The following TASOR variants were observed in gnomAD, a reference collection of about 807,000 sequenced individuals.
TASOR encodes transcription activation suppressor, also known as protein TASOR.
A neutral mutation model predicts 178.6 loss-of-function variants in TASOR; 53 were observed. The ratio of observed to expected loss-of-function variants is 0.30; its 90% CI spans 0.24 to 0.37. TASOR has a LOEUF of 0.37. Ranked by LOEUF, TASOR falls within the 10% of genes least tolerant of loss-of-function variation. The pLI is 1.00. For synonymous variants in TASOR, 713 were observed against 696.2 expected (o/e 1.02, Z -0.38); for missense variants, 1,815 against 1,971.4 (o/e 0.92, Z 1.50).
In TASOR at chr3:56,621,688, C is replaced by A; in HGVS notation, c.*1349G>T. ...TTATAAAATGTGCTCACTGGCTCAA[C>A]TGTATTTTTCAAATAGCCTAGATTT... On this transcript the variant is annotated 3_prime_UTR_variant, in exon 24 of 24. Transcript: ENST00000683822. 9.4e-7 allele frequency: 1 copy of A among 1,065,640 alleles called. No individual in the cohort carries two copies. The allele number at this position is 1,065,640 out of a possible 1,614,324, so 66.0% of individuals were successfully genotyped here. A position where few individuals can be genotyped will look rare whatever the true frequency, so the allele number is the denominator to read the frequency against.
At chr3:56,669,084 CAAGTA>C (rs1471256197) in intron 5 of TASOR, among the ~76,000 whole-genome samples, 1 of 151,746 alleles carries the variant, frequency 6.6e-6, no homozygotes, top group Non-Finnish European at 1.5e-5. Context: ...TGTTTAATAA[CAAGTA>C]AATAGAAACT....
intron 6 of TASOR, among the ~76,000 whole-genome samples, 160 bp downstream of exon 6, chr3:56,668,237 G>A (rs2030272484): frequency 6.6e-6 from 1 of 152,164 alleles, no homozygotes; most frequent in Non-Finnish European, 1.5e-5. Context: ...AGAAAACACT[G>A]AACAAACAGC....
rs866424609 is a variant in TASOR at position 56,641,510 on chromosome 3, G to T, written c.2458C>A (p.Pro820Thr). 1.2e-6 allele frequency: 2 copies of T among 1,613,928 alleles called. No individual in the cohort carries two copies. The highest frequency in any genetic ancestry group is 1.7e-4 in the Middle Eastern group (1 of 6,058). ...QKHEYELNST[P>T]DKKDYEQPTC... ...GGCTGCTCATAGTCTTTCTTATCTGGGGTAGAGTTCAACTCATACTCATGT... is the reference window on the plus strand; with the variant it reads ...GGCTGCTCATAGTCTTTCTTATCTGTGGTAGAGTTCAACTCATACTCATGT... The change falls in exon 15 of 24, where the codon CCA (proline) becomes ACA (threonine). Residue 820 changes from proline (P) to threonine (T), a missense_variant. Physicochemically the swap from Pro to Thr is conservative, Grantham distance 38 (BLOSUM62 -1). Transcript: ENST00000683822.
rs544417388 is a variant in TASOR, at chr3:56,669,285, C to T, written c.735+415G>A. The stretch of plus-strand genomic sequence containing the variant: ...TTGGGAGGCTGACGCGGGTGGATCA[C>T]GAAGTCAGGAGATCGAGACCATCCT... On this transcript the variant is annotated intron_variant, in intron 5 of 23. Transcript: ENST00000683822. 2.1e-3 allele frequency among the ~76,000 whole-genome samples: 313 copies of T among 152,162 alleles called. 12 individuals are homozygous for T. The South Asian group carries it at 0.059, about 29-fold the overall frequency.
At chr3:56,627,414 A>G (rs1158117839) in intron 20 of TASOR, among the ~76,000 whole-genome samples, 168 bp downstream of exon 20, 1 of 152,228 alleles carries the variant, frequency 6.6e-6, no homozygotes, top group Admixed American at 6.5e-5. Flanking sequence ...CACCACATTT[A>G]GAGGATATTA....
At chr3:56,657,394 C>T (rs1271595964) in intron 11 of TASOR, among the ~76,000 whole-genome samples, 3 of 149,446 alleles carry the variant, frequency 2.0e-5, no homozygotes, top group Admixed American at 1.3e-4. Flanking sequence ...GAAAAGAAAA[C>T]TTCCCTGGAT....
chr3:56,639,352 A>G (rs1187495437), intron 16 of TASOR, among the ~76,000 whole-genome samples: 1 of 152,174 alleles, frequency 6.6e-6, no homozygotes, highest in Non-Finnish European at 1.5e-5. Context: ...TGGAATATTA[A>G]GAGTATGTAT....
intron 11 of TASOR, among the ~76,000 whole-genome samples, chr3:56,657,490 T>TC (rs1467189122): frequency 6.6e-6 from 1 of 152,148 alleles, no homozygotes; most frequent in Admixed American, 6.5e-5. Context: ...TGCTTTCATA[T>TC]CCCCCACAAA....
rs74586578 is a variant in TASOR at position 56,621,019 on chromosome 3, C to G, written c.*2018G>C. On this transcript the variant is annotated 3_prime_UTR_variant, in exon 24 of 24. Coordinates refer to ENST00000683822, the MANE Select transcript of TASOR (RefSeq NM_001365635.2). The stretch of plus-strand genomic sequence containing the variant: ...TACAAAAAGTTAGTTAGTTAGTTAG[C>G]CAGGCGTGGTGGTGGGTGCCTGTAG... 1 of 97,518 alleles carries G rather than the reference C, an allele frequency of 1.0e-5. No homozygotes were observed. Among genetic ancestry groups the G allele is most frequent in the East Asian group, 3.2e-4 (1 of 3,136 alleles). 6.0% of individuals were successfully genotyped at this position (97,518 alleles called of 1,614,324 possible).
intron 8 of TASOR, among the ~76,000 whole-genome samples, chr3:56,663,144 C>T (rs2077634669): frequency 6.6e-6 from 1 of 151,992 alleles, no homozygotes; most frequent in South Asian, 2.1e-4. Context: ...GATCACGCCA[C>T]TGCACCCCAG....
intron 11 of TASOR, among the ~76,000 whole-genome samples, chr3:56,659,042 G>T (rs1239073057): frequency 1.3e-5 from 2 of 152,010 alleles, no homozygotes; most frequent in African/African-American, 4.8e-5. Flanking sequence ...GTAAGTCAAA[G>T]ACTCGCAAGG....
chr3:56,621,159 C>CAAAA lies in TASOR; in HGVS notation c.*1874_*1877dup, dbSNP rs370427287. ...GGGCGACAGAGCGAGACTCCATCTC[C>CAAAA]AAAAAAAAACAAAACAACAACAACA... On this transcript the variant is annotated 3_prime_UTR_variant, in exon 24 of 24. Coordinates refer to ENST00000683822, the MANE Select transcript of TASOR (RefSeq NM_001365635.2). 8,325 of 142,470 alleles carry CAAAA rather than the reference C, an allele frequency of 0.058. 490 individuals are homozygous for CAAAA. Among genetic ancestry groups the CAAAA allele is most frequent in the East Asian group, 0.32 (1,480 of 4,586 alleles). The allele number at this position is 142,470 out of a possible 1,614,324, so 8.8% of individuals were successfully genotyped here.
chr3:56,668,188 G>A (rs2030264901), intron 6 of TASOR, among the ~76,000 whole-genome samples: 1 of 152,140 alleles, frequency 6.6e-6, no homozygotes, highest in South Asian at 2.1e-4. Flanking sequence ...ATATTACCCT[G>A]TAACCTTGAA....
Position 56,621,677 on chromosome 3 carries a change from C to T in TASOR, c.*1360G>A. ...TGTCTTCCAAATTATAAAATGTGCT[C>T]ACTGGCTCAACTGTATTTTTCAAAT... On this transcript the variant is annotated 3_prime_UTR_variant, in exon 24 of 24. Coordinates refer to ENST00000683822, the MANE Select transcript of TASOR (RefSeq NM_001365635.2). 1 of 1,190,996 alleles carries T rather than the reference C, an allele frequency of 8.4e-7. No individual in the cohort carries two copies. The highest frequency in any genetic ancestry group is 1.2e-6 in the Non-Finnish European group (1 of 825,208). 73.8% of individuals were successfully genotyped at this position (1,190,996 alleles called of 1,614,324 possible).
intron 21 of TASOR, among the ~76,000 whole-genome samples, chr3:56,626,365 A>G (rs2076799028): frequency 6.6e-6 from 1 of 152,212 alleles, no homozygotes; most frequent in Non-Finnish European, 1.5e-5. Context: ...TCCTTGTCCA[A>G]ATATATGTAA....
At chr3:56,652,132 CAT>C (rs1403616903) in intron 11 of TASOR, among the ~76,000 whole-genome samples, 1 of 151,988 alleles carries the variant, frequency 6.6e-6, no homozygotes, top group African/African-American at 2.4e-5. Flanking sequence ...CAGATAAATC[CAT>C]AGAGACAGAA....
In TASOR at chr3:56,671,052, GA is replaced by G. The variant is rs545105149; in HGVS notation, c.570+547del. Among the ~76,000 whole-genome samples, 880 of 140,264 alleles carry G rather than the reference GA, an allele frequency of 6.3e-3. 13 individuals are homozygous for G. The highest frequency in any genetic ancestry group is 0.022 in the African/African-American group (848 of 37,692). 92.0% of individuals were successfully genotyped at this position (140,264 alleles called of 152,430 possible). On this transcript the variant is annotated intron_variant, in intron 3 of 23. Coordinates refer to ENST00000683822, the MANE Select transcript of TASOR (RefSeq NM_001365635.2). The stretch of plus-strand genomic sequence containing the variant: ...TATAGAAGACAGTCTTCTTAATAAA[GA>G]AAAAAGGCCAGGCGCGGTGGCTCAC...
intron 1 of TASOR, among the ~76,000 whole-genome samples, chr3:56,680,626 T>G (rs370252523): frequency 6.6e-6 from 1 of 152,158 alleles, no homozygotes; most frequent in Admixed American, 6.5e-5. Flanking sequence ...AACCACTAAC[T>G]TCTCTCAGCT....
At chr3:56,654,979 C>A (rs1382987147) in intron 11 of TASOR, among the ~76,000 whole-genome samples, 1 of 152,168 alleles carries the variant, frequency 6.6e-6, no homozygotes, top group Non-Finnish European at 1.5e-5. Context: ...TACAATAAAT[C>A]TCTTTTTACA....
Sources: gnomAD v4.1 joint callset for allele counts (sites outside exome capture counted in the v4.1 genomes callset) on GRCh38, gnomAD v4.1.1 for gene constraint, MANE v1.5 for transcripts, NCBI Gene and HGNC (gene_info 2026-07-23, HGNC 2026-07-21) for gene names.